The following ZBTB46 variants were observed in gnomAD, a reference collection of about 807,000 sequenced individuals.
ZBTB46 encodes the protein zinc finger and BTB domain containing 46.
In ZBTB46, 8 loss-of-function variants were observed where a neutral mutation model predicts 44.1. The observed-to-expected ratio is 0.18, with a 90% CI of 0.11 to 0.33. The LOEUF is 0.33. Among genes scored for constraint, ZBTB46 ranks in the 10% least tolerant of loss-of-function variants. The pLI is 1.00. For synonymous variants in ZBTB46, 409 were observed against 382.3 expected, an observed-to-expected ratio of 1.07 and a Z score of -0.81; for missense variants, 651 against 847.7, an observed-to-expected ratio of 0.77 and a Z score of 2.88.
At chr20:63,825,091 C>G (rs1238561605) in intron 1 of ZBTB46, among the ~76,000 whole-genome samples, 3 of 147,134 alleles carry the variant, frequency 2.0e-5, no homozygotes, top group Non-Finnish European at 4.5e-5. Context: ...TCACTGCACC[C>G]CCATCTCACC....
intron 1 of ZBTB46, among the ~76,000 whole-genome samples, chr20:63,827,453 A>C (rs2092825430): frequency 6.6e-6 from 1 of 150,450 alleles, no homozygotes; most frequent in South Asian, 2.1e-4. Flanking sequence ...TAAAAATACA[A>C]AAAAATTAGC....
chr20:63,824,023 C>T (rs1275745955), intron 1 of ZBTB46, among the ~76,000 whole-genome samples: 17 of 152,054 alleles, frequency 1.1e-4, no homozygotes, highest in Non-Finnish European at 5.9e-5. Flanking sequence ...AGGCTGTAGG[C>T]GAATCAAGGC....
rs1226186624 is a variant in ZBTB46, at chr20:63,787,338, T to C, written c.937+2483A>G. On this transcript the variant is annotated intron_variant, in intron 2 of 4. Transcript: ENST00000245663. This position sits in a 1 kb window ranked among gnomAD's most constrained non-coding sequence, Gnocchi z 4.6. Reference sequence around the variant, plus strand: ...GCACAACTTTAAAAAATCAGTTTAGTGTAGGCCACGCCAAGTGTTTATAAA... The same window carrying C: ...GCACAACTTTAAAAAATCAGTTTAGCGTAGGCCACGCCAAGTGTTTATAAA... Among the ~76,000 whole-genome samples, 1 of 152,152 alleles carries C rather than the reference T, an allele frequency of 6.6e-6. No homozygotes were observed. The highest frequency in any genetic ancestry group is 1.5e-5 in the Non-Finnish European group (1 of 68,026).
chr20:63,759,918 T>C (rs2092258958), intron 3 of ZBTB46, among the ~76,000 whole-genome samples: 1 of 152,216 alleles, frequency 6.6e-6, no homozygotes, highest in Non-Finnish European at 1.5e-5. Context: ...TCTCCTTTAT[T>C]CGGCTAATGT....
chr20:63,785,340 C>T lies in ZBTB46; in HGVS notation c.937+4481G>A, dbSNP rs1047045983. ...CTTTGGGAGGCTGAGGCGGGCGGAC[C>T]GCTTGAGGTCAGGAGTTCGAGACAA... On this transcript the variant is annotated intron_variant, in intron 2 of 4. Coordinates refer to ENST00000245663, the MANE Select transcript of ZBTB46 (RefSeq NM_001369741.1). Among the ~76,000 whole-genome samples the T allele has an allele frequency of 4.0e-5, 6 of 150,688 alleles. No individual in the cohort carries two copies. In the East Asian group the frequency reaches 7.9e-4, roughly 20 times the overall value.
At chr20:63,794,704 G>A (rs545717723) in intron 1 of ZBTB46, among the ~76,000 whole-genome samples, 66 of 152,284 alleles carry the variant, frequency 4.3e-4, no homozygotes, top group African/African-American at 1.5e-3. Flanking sequence ...AGAAGCACCC[G>A]GGGCTACTCA....
rs181737736 is a variant in ZBTB46, at chr20:63,785,124, C to T, written c.937+4697G>A. ...GTGGGCACCTGTAGTCCCAGCTACT[C>T]GGGAGGCTGAGGCAGGAGAATGATG... On this transcript the variant is annotated intron_variant, in intron 2 of 4. Transcript: ENST00000245663. 1.3e-3 allele frequency among the ~76,000 whole-genome samples: 194 copies of T among 143,934 alleles called. 1 individual carries two copies. The highest frequency in any genetic ancestry group is 4.7e-3 in the African/African-American group (180 of 38,474). 94.4% of individuals were successfully genotyped at this position (143,934 alleles called of 152,430 possible). A position where few individuals can be genotyped will look rare whatever the true frequency, so the allele number is the denominator to read the frequency against.
At chr20:63,781,195 A>T (rs2092467734) in intron 2 of ZBTB46, among the ~76,000 whole-genome samples, 1 of 151,910 alleles carries the variant, frequency 6.6e-6, no homozygotes, top group African/African-American at 2.4e-5. Context: ...GCCAAGAGAA[A>T]ATATTTTCAA....
In ZBTB46 at chr20:63,752,666, C is replaced by G; in HGVS notation, c.1398+20G>C. On this transcript the variant is annotated intron_variant, in intron 4 of 4. Transcript: ENST00000245663. This position sits in a 1 kb window ranked among gnomAD's most constrained non-coding sequence, Gnocchi z 5.6. ...GTGGCCACGCGCAGCGCGCGGCACG[C>G]GGACCCTCCCCGCACTCACCAGCGT... is the stretch of plus-strand genomic sequence containing the variant. 1 of 1,522,428 alleles carries G rather than the reference C, an allele frequency of 6.6e-7. No individual in the cohort carries two copies. The highest frequency in any genetic ancestry group is 8.8e-7 in the Non-Finnish European group (1 of 1,134,432). 94.3% of individuals were successfully genotyped at this position (1,522,428 alleles called of 1,614,324 possible).
rs2092664915 is a variant in ZBTB46, at chr20:63,803,872, A to C, written c.-33-13082T>G. On this transcript the variant is annotated intron_variant, in intron 1 of 4. Coordinates refer to ENST00000245663, the MANE Select transcript of ZBTB46 (RefSeq NM_001369741.1). The surrounding 1 kb of genome is among the most constrained non-coding windows in gnomAD (Gnocchi z 4.0). The stretch of plus-strand genomic sequence containing the variant: ...ACAGGGGCACGCCACCACACGGGCT[A>C]ATTTTTTTGTTTTGTAGAGACGGGG... Among the ~76,000 whole-genome samples, 1 of 152,088 alleles carries C rather than the reference A, an allele frequency of 6.6e-6. No individual in the cohort carries two copies. Among genetic ancestry groups the C allele is most frequent in the South Asian group, 2.1e-4 (1 of 4,820 alleles).
chr20:63,826,911 C>G (rs984898402), intron 1 of ZBTB46, among the ~76,000 whole-genome samples: 1 of 152,224 alleles, frequency 6.6e-6, no homozygotes, highest in Non-Finnish European at 1.5e-5. Flanking sequence ...GCCCTCCGGC[C>G]AGCAATCCAC....
At chr20:63,826,041 G>A (rs1171987777) in intron 1 of ZBTB46, among the ~76,000 whole-genome samples, 1 of 152,252 alleles carries the variant, frequency 6.6e-6, no homozygotes, top group Non-Finnish European at 1.5e-5. Context: ...CCAAGGCACA[G>A]CAGTGCCCCT....
chr20:63,784,792 G>A (rs2092498756), intron 2 of ZBTB46, among the ~76,000 whole-genome samples: 1 of 152,248 alleles, frequency 6.6e-6, no homozygotes, highest in South Asian at 2.1e-4. Flanking sequence ...AAGCTGCTCA[G>A]TTAGAATGAA....
chr20:63,806,246 T>TAA (rs113225024), intron 1 of ZBTB46, among the ~76,000 whole-genome samples: 13 of 144,270 alleles, frequency 9.0e-5, no homozygotes, highest in African/African-American at 2.5e-4. Flanking sequence ...TACTAAAAGT[T>TAA]AAAAAAAAAA....
chr20:63,820,843 C>G (rs1030125792), intron 1 of ZBTB46, among the ~76,000 whole-genome samples: 14 of 152,132 alleles, frequency 9.2e-5, no homozygotes, highest in Non-Finnish European at 1.5e-4. Flanking sequence ...ATTCTCCTGC[C>G]TCATCCTCCC....
chr20:63,792,356 C>G (rs1313982145), intron 1 of ZBTB46, among the ~76,000 whole-genome samples: 1 of 152,196 alleles, frequency 6.6e-6, no homozygotes, highest in Non-Finnish European at 1.5e-5. Flanking sequence ...TAGGAGAAAA[C>G]TAAGCGAGCG....
In ZBTB46 at chr20:63,747,067, C is replaced by T; in HGVS notation, c.1633G>A (p.Ala545Thr). 3 of 1,608,908 alleles carry T rather than the reference C, an allele frequency of 1.9e-6. No homozygotes were observed. Among genetic ancestry groups the T allele is most frequent in the Non-Finnish European group, 8.5e-7 (1 of 1,179,526 alleles). The change falls in exon 5 of 5, where the codon GCG (alanine) becomes ACG (threonine). Residue 545 changes from alanine to threonine, a missense_variant. Transcript: ENST00000245663. The stretch of plus-strand genomic sequence containing the variant: ...TCGTCGTCCTCGCCCAGCTCCTCCG[C>T]CTCCCCTCGTGGGTCCTCAGGGTCC... Reference protein sequence around the residue: ...LEDPEDPRGEAEELGEDDEGL... With the variant: ...LEDPEDPRGETEELGEDDEGL...
At position 63,767,966 on chromosome 20, in the gene ZBTB46, C is replaced by T; in HGVS notation, c.1222+7712G>A. On this transcript the variant is annotated intron_variant, in intron 3 of 4. Coordinates refer to ENST00000245663, the MANE Select transcript of ZBTB46 (RefSeq NM_001369741.1). This position sits in a 1 kb window ranked among gnomAD's most constrained non-coding sequence, Gnocchi z 5.0. ...GGACTGCTCCGCCCAGCTCTCCACG[C>T]CATGAGAGGTGTCGATCTGGAACCA... 1 of 985,456 alleles carries T rather than the reference C, an allele frequency of 1.0e-6. No individual in the cohort carries two copies. Among genetic ancestry groups the T allele is most frequent in the Non-Finnish European group, 1.2e-6 (1 of 829,936 alleles). The allele number at this position is 985,456 out of a possible 1,614,324, so 61.0% of individuals were successfully genotyped here.
At chr20:63,749,578 T>C (rs183373034) in intron 4 of ZBTB46, among the ~76,000 whole-genome samples, 60 of 152,292 alleles carry the variant, frequency 3.9e-4, no homozygotes, top group South Asian at 1.0e-3. Flanking sequence ...CCTCGTGATC[T>C]GCCCGCCTTG....
Sources: allele counts gnomAD v4.1 joint callset (sites outside exome capture counted in the v4.1 genomes callset), GRCh38; gene constraint gnomAD v4.1.1; non-coding constraint Gnocchi (gnomAD v3.1); transcripts MANE v1.5; gene names NCBI Gene and HGNC (gene_info 2026-07-23, HGNC 2026-07-21).